ARHGAP18: variants seen among roughly 807,000 people sequenced by gnomAD.
ARHGAP18 encodes Rho GTPase activating protein 18.
A neutral mutation model predicts 86.2 loss-of-function variants in ARHGAP18; 67 were observed. The ratio of observed to expected loss-of-function variants is 0.78; its 90% CI spans 0.64 to 0.95. The LOEUF (loss-of-function observed/expected upper bound fraction) is 0.95. Among genes scored for constraint, ARHGAP18 ranks in the 40% least tolerant of loss-of-function variants. ARHGAP18 has a pLI of 0.00. For synonymous variants in ARHGAP18, 283 were observed against 280.4 expected, an observed-to-expected ratio of 1.01 and a Z score of -0.09; for missense variants, 691 against 780.4, an observed-to-expected ratio of 0.89 and a Z score of 1.37.
At chr6:129,647,400 G>A (rs1215148127) in intron 1 of ARHGAP18, among the ~76,000 whole-genome samples, 6 of 152,132 alleles carry the variant, frequency 3.9e-5, no homozygotes, top group South Asian at 2.1e-4. Flanking sequence ...AAGTCCTATC[G>A]TGATGCTTTC....
At chr6:129,651,117 CTAAAA>C (rs1475813394) in intron 1 of ARHGAP18, among the ~76,000 whole-genome samples, 6 of 152,126 alleles carry the variant, frequency 3.9e-5, no homozygotes, top group African/African-American at 1.4e-4. Context: ...ACTACTGCCT[CTAAAA>C]TAATTTCTAA....
At chr6:129,707,809 A>G (rs147793804) in intron 1 of ARHGAP18, among the ~76,000 whole-genome samples, 123 of 152,002 alleles carry the variant, frequency 8.1e-4, no homozygotes, top group African/African-American at 2.6e-3. Context: ...AGCCTAATGT[A>G]GCCTTTTTAA....
chr6:129,626,069 C>CACACACACACACACACAT (rs1789461997), intron 5 of ARHGAP18, among the ~76,000 whole-genome samples: 1 of 96,942 alleles, frequency 1.0e-5, no homozygotes, highest in African/African-American at 5.6e-5. Context: ...CACATATACA[C>CACACACACACACACACAT]ACACACACAC....
At chr6:129,628,320 G>A (rs1773087521) in intron 5 of ARHGAP18, among the ~76,000 whole-genome samples, 1 of 152,130 alleles carries the variant, frequency 6.6e-6, no homozygotes, top group African/African-American at 2.4e-5. Context: ...GACTGTGTCA[G>A]CCAGTAAGTG....
chr6:129,650,685 T>C (rs1773690999), intron 1 of ARHGAP18, among the ~76,000 whole-genome samples: 1 of 152,194 alleles, frequency 6.6e-6, no homozygotes, highest in South Asian at 2.1e-4. Context: ...TTCATTCTAT[T>C]ATCTGTCACC....
At chr6:129,584,639 C>T (rs948122359) in intron 12 of ARHGAP18, among the ~76,000 whole-genome samples, 6 of 152,134 alleles carry the variant, frequency 3.9e-5, no homozygotes, top group South Asian at 2.1e-4. Context: ...TTTGAACTTA[C>T]GATGACCCCT....
intron 1 of ARHGAP18, among the ~76,000 whole-genome samples, chr6:129,697,557 G>A (rs1236184471): frequency 6.6e-6 from 1 of 151,808 alleles, no homozygotes; most frequent in Non-Finnish European, 1.5e-5. Context: ...TTTACTACCT[G>A]TCAGGCCTCT....
chr6:129,697,875 A>G (rs1337049149), intron 1 of ARHGAP18, among the ~76,000 whole-genome samples: 1 of 152,216 alleles, frequency 6.6e-6, no homozygotes, highest in Non-Finnish European at 1.5e-5. Context: ...ATAACTTTGT[A>G]TTATTTGGAC....
chr6:129,641,787 A>T (rs774738050), intron 2 of ARHGAP18, 29 bp downstream of exon 2: 2 of 1,587,218 alleles, frequency 1.3e-6, no homozygotes, highest in Non-Finnish European at 8.6e-7. Flanking sequence ...ATATACAAAC[A>T]ACAAAAGCTT....
At chr6:129,595,047 C>T (rs1026036930) in intron 12 of ARHGAP18, among the ~76,000 whole-genome samples, 1 of 152,062 alleles carries the variant, frequency 6.6e-6, no homozygotes. Context: ...ATCTAGATAA[C>T]CTTAGTAACT....
intron 1 of ARHGAP18, among the ~76,000 whole-genome samples, chr6:129,663,576 C>T (rs971624812): frequency 6.6e-6 from 1 of 152,168 alleles, no homozygotes; most frequent in African/African-American, 2.4e-5. Context: ...AAAAGGTCTC[C>T]TGACTCCCAG....
rs759453436 is a variant in ARHGAP18, at chr6:129,611,612, T to G, written c.1045-2A>C. 2 of 1,613,112 alleles carry G rather than the reference T, an allele frequency of 1.2e-6. No individual in the cohort carries two copies. Among genetic ancestry groups the G allele is most frequent in the African/African-American group, 1.3e-5 (1 of 74,910 alleles). On this transcript the variant is annotated splice_acceptor_variant, in intron 7 of 14. Coordinates refer to ENST00000368149, the MANE Select transcript of ARHGAP18 (RefSeq NM_033515.3). LOFTEE classifies it high-confidence loss of function. ...TCTCTCTTCAATTCGAGAAATCAGC[T>G]GTGCATAAACAGAGAAACATTCTAA... is the stretch of plus-strand genomic sequence containing the variant.
intron 1 of ARHGAP18, among the ~76,000 whole-genome samples, chr6:129,667,747 G>T (rs9402162): frequency 1.3e-5 from 2 of 151,532 alleles, no homozygotes; most frequent in Non-Finnish European, 2.9e-5. Context: ...GTTCCCAGCA[G>T]GCTCTTGGCC....
At chr6:129,620,362 T>A (rs1013966877) in intron 5 of ARHGAP18, among the ~76,000 whole-genome samples, 1 of 152,216 alleles carries the variant, frequency 6.6e-6, no homozygotes, top group Admixed American at 6.5e-5. Context: ...GATTTTTGGA[T>A]TAGGGATACT....
chr6:129,696,825 A>G (rs1774624810), intron 1 of ARHGAP18, among the ~76,000 whole-genome samples: 1 of 152,218 alleles, frequency 6.6e-6, no homozygotes, highest in South Asian at 2.1e-4. Flanking sequence ...AAGATCAGGA[A>G]AGGCAGGTAA....
chr6:129,681,956 C>T (rs1039987278), intron 1 of ARHGAP18, among the ~76,000 whole-genome samples: 1 of 152,180 alleles, frequency 6.6e-6, no homozygotes, highest in Non-Finnish European at 1.5e-5. Context: ...CAAGTAATGT[C>T]CTTTCACTCC....
chr6:129,637,029 G>A (rs1400415057), intron 3 of ARHGAP18, among the ~76,000 whole-genome samples: 1 of 152,150 alleles, frequency 6.6e-6, no homozygotes, highest in Non-Finnish European at 1.5e-5. Flanking sequence ...GCACTGATCT[G>A]AGCCACACAG....
At chr6:129,681,312 G>A (rs748704741) in intron 1 of ARHGAP18, among the ~76,000 whole-genome samples, 8 of 152,098 alleles carry the variant, frequency 5.3e-5, no homozygotes, top group East Asian at 1.9e-4. Context: ...TCCTAACCTC[G>A]TGATCCGCCT....
At chr6:129,585,826 C>T (rs539627680) in intron 12 of ARHGAP18, among the ~76,000 whole-genome samples, 1 of 152,190 alleles carries the variant, frequency 6.6e-6, no homozygotes, top group African/African-American at 2.4e-5. Flanking sequence ...CTAATTCCAA[C>T]CTCCCAATTC....
Sources: allele counts gnomAD v4.1 joint callset (sites outside exome capture counted in the v4.1 genomes callset), GRCh38; gene constraint gnomAD v4.1.1; transcripts MANE v1.5; gene names NCBI Gene and HGNC (gene_info 2026-07-23, HGNC 2026-07-21).